SULT1E1: variants seen among roughly 807,000 people sequenced by gnomAD.
SULT1E1 encodes the protein sulfotransferase family 1E member 1, also known as sulfotransferase 1E1.
Under a neutral mutation model 33.6 loss-of-function variants are expected in SULT1E1, and 36 were observed. The observed-to-expected ratio is 1.07, with a 90% confidence interval of 0.82 to 1.41. The LOEUF (loss-of-function observed/expected upper bound fraction) is 1.41. Among genes scored for constraint, SULT1E1 ranks in the 40% most tolerant of loss-of-function variants. The pLI, the probability that SULT1E1 is intolerant of heterozygous loss-of-function variation, is 0.00. For missense variants in SULT1E1, 371 were observed against 345.7 expected (o/e 1.07, Z -0.58); for synonymous variants, 121 against 111.7 (o/e 1.08, Z -0.53).
At chr4:69,831,132 C>T in the SULT1E1 span, among the ~76,000 whole-genome samples, 4 of 152,158 alleles carry the variant, frequency 2.6e-5, no homozygotes, top group Non-Finnish European at 5.9e-5. Context: ...GGCAGTTGGC[C>T]TCACAGATGA....
intron 6 of SULT1E1, among the ~76,000 whole-genome samples, chr4:69,847,240 A>G (rs1362001851): frequency 6.6e-6 from 1 of 151,498 alleles, no homozygotes; most frequent in South Asian, 2.1e-4. Flanking sequence ...TGCTCTGTCA[A>G]TTTTAATAGT....
chr4:69,854,433 G>A (rs1029545351), intron 3 of SULT1E1, 119 bp from the exon 4 acceptor site: 5 of 632,172 alleles, frequency 7.9e-6, no homozygotes, highest in Non-Finnish European at 1.0e-5. Flanking sequence ...ATTAGATTGT[G>A]TGTAACACAA....
At chr4:69,825,627 C>G in the SULT1E1 span, among the ~76,000 whole-genome samples, 1 of 152,114 alleles carries the variant, frequency 6.6e-6, no homozygotes, top group Admixed American at 6.6e-5. Flanking sequence ...CATTGGTTTC[C>G]CTGGAACCAG....
At chr4:69,840,631 A>G (rs557687965), downstream of SULT1E1, among the ~76,000 whole-genome samples, 2 of 152,220 alleles carry the variant, frequency 1.3e-5, no homozygotes, top group Non-Finnish European at 1.5e-5. Context: ...AATATTTCAA[A>G]CTAGCTGAAG....
At chr4:69,852,701 T>C (rs774526897) in intron 4 of SULT1E1, among the ~76,000 whole-genome samples, 1 of 152,186 alleles carries the variant, frequency 6.6e-6, no homozygotes, top group African/African-American at 2.4e-5. Flanking sequence ...TTTTATTTTG[T>C]TGTTGTTGTT....
At position 69,857,548 on chromosome 4, in the gene SULT1E1, A is replaced by G; in HGVS notation, c.97T>C (p.Phe33Leu). The change falls in exon 2 of 8, where the codon TTC becomes CTC. Residue 33 changes from phenylalanine to leucine, a missense_variant. Coordinates refer to ENST00000226444, the MANE Select transcript of SULT1E1 (RefSeq NM_005420.3). ...FVKYWDNVEA[F>L]QARPDDLVIA... ...ACAAGATCATCTGGTCTTGCCTGGA[A>G]CGCTTCCACATTATCCCAATATTTG... is the stretch of plus-strand genomic sequence containing the variant. The G allele has an allele frequency of 6.2e-7, 1 of 1,613,288 alleles. No individual in the cohort carries two copies.
In SULT1E1 at chr4:69,846,742, C is replaced by G. The variant is rs1296364929; in HGVS notation, c.591+956G>C. 4.0e-5 allele frequency among the ~76,000 whole-genome samples: 6 copies of G among 151,784 alleles called. No homozygotes were observed. In the South Asian group the frequency reaches 1.2e-3, roughly 31 times the overall value. On this transcript the variant is annotated intron_variant, in intron 6 of 7. Transcript: ENST00000226444. ...CTACACTACAATCAACAGTGTGTTACTTTTCACTGATTCACATTCTAATAT... is the reference window on the plus strand; with the variant it reads ...CTACACTACAATCAACAGTGTGTTAGTTTTCACTGATTCACATTCTAATAT...
chr4:69,836,819 G>C (rs1720804864), downstream of SULT1E1, among the ~76,000 whole-genome samples: 1 of 152,106 alleles, frequency 6.6e-6, no homozygotes, highest in Non-Finnish European at 1.5e-5. Flanking sequence ...TTATCATGAT[G>C]ATATGGTTTT....
the SULT1E1 span, among the ~76,000 whole-genome samples, chr4:69,830,314 A>G: frequency 4.6e-5 from 7 of 152,234 alleles, no homozygotes; most frequent in African/African-American, 1.2e-4. Context: ...GCTGAGTAGC[A>G]TTCATGCTCA....
At chr4:69,827,362 T>A in the SULT1E1 span, among the ~76,000 whole-genome samples, 1 of 152,004 alleles carries the variant, frequency 6.6e-6, no homozygotes, top group Admixed American at 6.6e-5. Context: ...CCAGTATGGA[T>A]CCCCACTGGG....
intron 4 of SULT1E1, among the ~76,000 whole-genome samples, chr4:69,852,759 T>G (rs1046718165): frequency 6.6e-6 from 1 of 152,182 alleles, no homozygotes; most frequent in Non-Finnish European, 1.5e-5. Flanking sequence ...TCCCTCCAAC[T>G]ATCTCCTAGT....
chr4:69,826,167 C>T, the SULT1E1 span, among the ~76,000 whole-genome samples: 1 of 152,146 alleles, frequency 6.6e-6, no homozygotes, highest in Non-Finnish European at 1.5e-5. Context: ...CTCTTCCAAC[C>T]CTGGAGATTC....
chr4:69,849,866 T>C (rs1358028056), intron 4 of SULT1E1, among the ~76,000 whole-genome samples: 2 of 151,968 alleles, frequency 1.3e-5, no homozygotes, highest in African/African-American at 4.8e-5. Flanking sequence ...TCAGTTACAT[T>C]ATTTATTATT....
intron 5 of SULT1E1, 47 bp downstream of exon 5, chr4:69,849,390 C>T: frequency 6.3e-7 from 1 of 1,592,184 alleles, no homozygotes; most frequent in Non-Finnish European, 8.5e-7. Context: ...TGGCATTTGT[C>T]TTATAAAACC....
At chr4:69,829,734 C>T in the SULT1E1 span, among the ~76,000 whole-genome samples, 12 of 152,256 alleles carry the variant, frequency 7.9e-5, no homozygotes, top group East Asian at 1.9e-4. Flanking sequence ...TCTCTTTGAC[C>T]GATAGAAAGG....
downstream of SULT1E1, among the ~76,000 whole-genome samples, chr4:69,839,672 C>A (rs1172110804): frequency 6.6e-6 from 1 of 152,128 alleles, no homozygotes; most frequent in East Asian, 1.9e-4. Context: ...AGAACCAAAG[C>A]TACATTGGCC....
chr4:69,825,898 T>C, the SULT1E1 span, among the ~76,000 whole-genome samples: 1 of 152,336 alleles, frequency 6.6e-6, no homozygotes, highest in South Asian at 2.1e-4. Flanking sequence ...TCCCTGTTTC[T>C]GGTGCTTTTC....
intron 4 of SULT1E1, among the ~76,000 whole-genome samples, chr4:69,851,222 T>C (rs1008011405): frequency 2.6e-5 from 4 of 152,072 alleles, no homozygotes; most frequent in Admixed American, 6.6e-5. Context: ...TGCAATCTAC[T>C]TATCTGACAA....
chr4:69,826,668 TC>T, the SULT1E1 span, among the ~76,000 whole-genome samples: 28 of 152,240 alleles, frequency 1.8e-4, no homozygotes, highest in East Asian at 4.3e-3. Flanking sequence ...CTTATTTTTT[TC>T]TGCACTATGG....
Sources: gnomAD v4.1 joint callset for allele counts (sites outside exome capture counted in the v4.1 genomes callset) on GRCh38, gnomAD v4.1.1 for gene constraint, MANE v1.5 for transcripts, NCBI Gene and HGNC (gene_info 2026-07-23, HGNC 2026-07-21) for gene names.